Variants in ALPK1 observed in about 807,000 individuals in gnomAD.
The protein encoded by ALPK1 is alpha kinase 1.
A neutral mutation model predicts 120.6 loss-of-function variants in ALPK1; 110 were observed. That is an observed-to-expected ratio of 0.91 (90% CI 0.78 to 1.07). The LOEUF is 1.07. Ranked by LOEUF, ALPK1 falls within the 50% of genes least tolerant of loss-of-function variation. The pLI is 0.00. For missense variants in ALPK1, 1,498 were observed against 1,483.9 expected (o/e 1.01, Z -0.16); for synonymous variants, 582 against 560.3 (o/e 1.04, Z -0.55).
intron 2 of ALPK1, among the ~76,000 whole-genome samples, chr4:112,340,597 A>G (rs1353552032): frequency 6.6e-6 from 1 of 152,226 alleles, no homozygotes; most frequent in Non-Finnish European, 1.5e-5. Flanking sequence ...TTTCTTAAAC[A>G]CTGTTATTAA....
At chr4:112,438,715 C>G in intron 13 of ALPK1, 69 bp downstream of exon 13, 1 of 1,531,628 alleles carries the variant, frequency 6.5e-7, no homozygotes, top group South Asian at 1.2e-5. Context: ...ATCTGAGTAT[C>G]TGGTTCCACA....
At chr4:112,401,055 G>C (rs1732890706) in intron 4 of ALPK1, among the ~76,000 whole-genome samples, 1 of 152,126 alleles carries the variant, frequency 6.6e-6, no homozygotes, top group African/African-American at 2.4e-5. Context: ...CCGATGCCCG[G>C]GTGTACTCCA....
At position 112,440,961 on chromosome 4, in the gene ALPK1, C is replaced by A. The variant is rs1332674350; in HGVS notation, c.3583C>A (p.Pro1195Thr). The change falls in exon 15 of 16, where the codon CCC (proline) becomes ACC (threonine). Residue 1195 changes from proline (P) to threonine (T), a missense_variant. Coordinates refer to ENST00000650871, the MANE Select transcript of ALPK1 (RefSeq NM_025144.4). ...AAAAGGACTCATCTACCTCACAGAT[C>A]CCCAGATTCACTCCGTTGATCAGAA... ...NGKGLIYLTDPQIHSVDQKVF... is the reference protein window; with the variant it reads ...NGKGLIYLTDTQIHSVDQKVF... 2 of 1,613,758 alleles carry A rather than the reference C, an allele frequency of 1.2e-6. No homozygotes were observed. Among genetic ancestry groups the A allele is most frequent in the South Asian group, 1.1e-5 (1 of 91,058 alleles).
At chr4:112,304,102 G>C (rs1578443787) in intron 1 of ALPK1, among the ~76,000 whole-genome samples, 1 of 152,238 alleles carries the variant, frequency 6.6e-6, no homozygotes, top group Non-Finnish European at 1.5e-5. Context: ...TGGCTGCATA[G>C]TATTCCATGG....
intron 2 of ALPK1, among the ~76,000 whole-genome samples, chr4:112,339,789 G>A (rs924492410): frequency 6.6e-6 from 1 of 152,184 alleles, no homozygotes; most frequent in Admixed American, 6.5e-5. Flanking sequence ...ATGCTGCCCT[G>A]CAAAACTGTG....
At chr4:112,327,886 G>A (rs1729185106) in intron 2 of ALPK1, among the ~76,000 whole-genome samples, 1 of 152,220 alleles carries the variant, frequency 6.6e-6, no homozygotes, top group Non-Finnish European at 1.5e-5. Flanking sequence ...TGTAAAAGAA[G>A]AGTGCAGTCA....
At chr4:112,419,030 CCA>C (rs1461483320) in intron 5 of ALPK1, among the ~76,000 whole-genome samples, 1 of 152,144 alleles carries the variant, frequency 6.6e-6, no homozygotes, top group Admixed American at 6.5e-5. Flanking sequence ...TCCAAGAAAT[CCA>C]CAGATTGTTA....
rs1017135764 is a variant in ALPK1 at position 112,297,429 on chromosome 4, G to C, written c.-193G>C. On this transcript the variant is annotated 5_prime_UTR_variant, in exon 1 of 16. It removes the in-frame stop codon of an upstream open reading frame in the 5' UTR. Coordinates refer to ENST00000650871, the MANE Select transcript of ALPK1 (RefSeq NM_025144.4). ...CCAGAATTAACTCTGCTCAGAGTTAGATTTGCTGGTCTTAAAGTACTTTTC... is the reference window on the plus strand; with the variant it reads ...CCAGAATTAACTCTGCTCAGAGTTACATTTGCTGGTCTTAAAGTACTTTTC... The C allele has an allele frequency of 2.6e-5, 4 of 152,022 alleles. No homozygotes were observed. The highest frequency in any genetic ancestry group is 9.6e-5 in the African/African-American group (4 of 41,472). The allele number at this position is 152,022 out of a possible 1,614,324, so 9.4% of individuals were successfully genotyped here. A position where few individuals can be genotyped will look rare whatever the true frequency, so the allele number is the denominator to read the frequency against.
chr4:112,432,000 G>A lies in ALPK1; in HGVS notation c.2453G>A (p.Cys818Tyr), dbSNP rs112483372. 1.6e-4 allele frequency: 255 copies of A among 1,614,156 alleles called. 1 individual carries two copies. In the Middle Eastern group the frequency reaches 3.0e-3, roughly 19 times the overall value. ...NSLGNISMLP[C>Y]SSFTPNWPVQ... Reference sequence around the variant, plus strand: ...CTGGGAAACATTTCCATGCTGCCATGTAGCTCCTTCACCCCTAATTGGCCT... The same window carrying A: ...CTGGGAAACATTTCCATGCTGCCATATAGCTCCTTCACCCCTAATTGGCCT... Residue 818 changes from cysteine to tyrosine, a missense_variant, in exon 11 of 16, where the codon TGT becomes TAT. Cys to Tyr is a radical substitution (Grantham distance 194, BLOSUM62 -2). Transcript: ENST00000650871.
rs534920951 is a variant in ALPK1, at chr4:112,430,798, A to G, written c.1251A>G (p.Glu417=). The G allele has an allele frequency of 1.9e-6, 3 of 1,614,240 alleles. No individual in the cohort carries two copies. Among genetic ancestry groups the G allele is most frequent in the East Asian group, 2.2e-5 (1 of 44,890 alleles). The stretch of plus-strand genomic sequence containing the variant: ...TGTCTGTGATTGCCCAGGTGAAGGA[A>G]CATTTACAAGTTCAAAGCTTCTCAA... ...EVMSVIAQVK[E]HLQVQSFSNV... The change falls in exon 11 of 16, where the codon GAA becomes GAG. Residue 417 remains glutamate (E), a synonymous_variant. Coordinates refer to ENST00000650871, the MANE Select transcript of ALPK1 (RefSeq NM_025144.4).
chr4:112,412,755 A>C (rs761857320), intron 5 of ALPK1, among the ~76,000 whole-genome samples: 21 of 152,230 alleles, frequency 1.4e-4, no homozygotes, highest in Non-Finnish European at 2.2e-4. Context: ...TGAAAAGAGA[A>C]GGCAAGTTAC....
Position 112,390,147 on chromosome 4 carries a change from G to A in ALPK1, c.276+7595G>A, listed in dbSNP as rs556072733. On this transcript the variant is annotated intron_variant, in intron 4 of 15. Coordinates refer to ENST00000650871, the MANE Select transcript of ALPK1 (RefSeq NM_025144.4). ...CTCTGAAATGAGGCCCATGGGCCCT[G>A]CCAGGCATAGTCCTTCCCTTGGCTG... Among the ~76,000 whole-genome samples the A allele has an allele frequency of 6.6e-5, 10 of 152,308 alleles. No individual in the cohort carries two copies. The South Asian group carries it at 2.1e-3, about 32-fold the overall frequency.
At chr4:112,425,500 G>A in intron 6 of ALPK1, 165 bp from the exon 7 acceptor site, 1 of 530,562 alleles carries the variant, frequency 1.9e-6, no homozygotes, top group South Asian at 2.2e-5. Flanking sequence ...AGTTCCTGCA[G>A]AGCCTTAGAC....
At chr4:112,385,725 TCC>T (rs1732123858) in intron 4 of ALPK1, among the ~76,000 whole-genome samples, 1 of 152,194 alleles carries the variant, frequency 6.6e-6, no homozygotes, top group African/African-American at 2.4e-5. Flanking sequence ...TTTCATTGTA[TCC>T]CAATCTGGTC....
chr4:112,341,193 C>T (rs13133200), intron 2 of ALPK1, among the ~76,000 whole-genome samples: 11 of 152,198 alleles, frequency 7.2e-5, no homozygotes, highest in Non-Finnish European at 1.6e-4. Flanking sequence ...AATACATATT[C>T]ATGAAAGCGT....
intron 4 of ALPK1, among the ~76,000 whole-genome samples, chr4:112,396,112 G>C (rs908616668): frequency 3.1e-4 from 47 of 152,138 alleles, no homozygotes; most frequent in African/African-American, 1.1e-3. Context: ...TGTAAAATAT[G>C]TGATATTTTT....
At chr4:112,335,057 A>G (rs1480250549) in intron 2 of ALPK1, among the ~76,000 whole-genome samples, 1 of 152,118 alleles carries the variant, frequency 6.6e-6, no homozygotes, top group Non-Finnish European at 1.5e-5. Flanking sequence ...CAGGAGTTTG[A>G]GACCAGCCTA....
intron 5 of ALPK1, chr4:112,423,664 C>G: frequency 1.8e-6 from 1 of 551,358 alleles, no homozygotes. Flanking sequence ...TGCCTCTACT[C>G]CTCAAACCCT....
intron 4 of ALPK1, among the ~76,000 whole-genome samples, chr4:112,407,707 C>T (rs11098155): frequency 0.12 from 18,404 of 152,132 alleles, 1,209 homozygotes; most frequent in African/African-American, 0.14. Flanking sequence ...CCATTATTCC[C>T]TGTGAGGAAA....
Sources: allele counts gnomAD v4.1 joint callset (sites outside exome capture counted in the v4.1 genomes callset), GRCh38; gene constraint gnomAD v4.1.1; transcripts MANE v1.5; gene names NCBI Gene and HGNC (gene_info 2026-07-23, HGNC 2026-07-21).